PDCD11: variants seen among roughly 807,000 people sequenced by gnomAD.
PDCD11 encodes the protein programmed cell death 11, also known as protein RRP5 homolog.
Under a neutral mutation model 198.9 loss-of-function variants are expected in PDCD11, and 97 were observed. That is an observed-to-expected ratio of 0.49 (90% CI 0.41 to 0.58). The LOEUF is 0.58. Among genes scored for constraint, PDCD11 ranks in the 20% least tolerant of loss-of-function variants. PDCD11 has a pLI of 0.00. For synonymous variants in PDCD11, 893 were observed against 918.0 expected, an observed-to-expected ratio of 0.97 and a Z score of 0.49; for missense variants, 2,102 against 2,312.7, an observed-to-expected ratio of 0.91 and a Z score of 1.87.
Position 103,425,207 on chromosome 10 carries a change from G to A in PDCD11, c.2987G>A (p.Gly996Glu). 6.2e-7 allele frequency: 1 copy of A among 1,614,064 alleles called. No homozygotes were observed. Among genetic ancestry groups the A allele is most frequent in the Non-Finnish European group, 8.5e-7 (1 of 1,180,018 alleles). Residue 996 changes from glycine to glutamate, a missense_variant, in exon 20 of 36, where the codon GGG becomes GAG. Physicochemically the swap from Gly to Glu is moderately conservative, Grantham distance 98. Coordinates refer to ENST00000369797, the MANE Select transcript of PDCD11 (RefSeq NM_014976.2). ...ACTGGCCTTCTTTTGGCTGTGGAGG[G>A]GCCGGCTGCCAAGAGGACCATGAGG... ...GVTGLLLAVE[G>E]PAAKRTMRPT... is the part of the protein sequence containing the mutation.
rs185792442 is a variant in PDCD11, at chr10:103,419,366, C to A, written c.2107-172C>A. Among the ~76,000 whole-genome samples, 54 of 152,302 alleles carry A rather than the reference C, an allele frequency of 3.5e-4. 1 individual carries two copies. Among genetic ancestry groups the A allele is most frequent in the African/African-American group, 1.3e-3 (53 of 41,564 alleles). On this transcript the variant is annotated intron_variant, in intron 15 of 35. Coordinates refer to ENST00000369797, the MANE Select transcript of PDCD11 (RefSeq NM_014976.2). The stretch of plus-strand genomic sequence containing the variant: ...GGTCTAGGTGGTGCTTGAGAACTTG[C>A]ATTTCTCCTAAGTTTCAGGCGATGT...
intron 8 of PDCD11, among the ~76,000 whole-genome samples, chr10:103,410,542 G>T (rs1446592644): frequency 1.3e-5 from 2 of 150,866 alleles, no homozygotes; most frequent in East Asian, 3.9e-4. Context: ...TAAAATACTG[G>T]AATATTAGGC....
rs200216755 is a variant in PDCD11, at chr10:103,442,482, G to C, written c.4955+22G>C. On this transcript the variant is annotated intron_variant, in intron 32 of 35. Transcript: ENST00000369797. ...TCAGGTCTCAGCTTTGCCCCAGGGA[G>C]CACAGTGTCTTCGCACGTTCTGGGC... 2.6e-4 allele frequency: 417 copies of C among 1,607,172 alleles called. 6 individuals carry two copies. The Admixed American group carries it at 6.9e-3, about 26-fold the overall frequency.
At chr10:103,418,045 A>G in intron 14 of PDCD11, 113 bp downstream of exon 14, 1 of 1,238,256 alleles carries the variant, frequency 8.1e-7, no homozygotes, top group Non-Finnish European at 1.2e-6. Flanking sequence ...GTAGCTAGAT[A>G]AGATTTTGGG....
chr10:103,418,386 G>A, intron 14 of PDCD11, 54 bp from the exon 15 acceptor site: 2 of 1,437,840 alleles, frequency 1.4e-6, no homozygotes, highest in Non-Finnish European at 1.9e-6. Context: ...ATCCAGACCA[G>A]GTTGTTCTCT....
Position 103,416,477 on chromosome 10 carries a change from T to A in PDCD11, c.1519-14T>A. On this transcript the variant is annotated splice_polypyrimidine_tract_variant and intron_variant, in intron 12 of 35. Transcript: ENST00000369797. ...TAACAGATAACTTGATGACAGCCTG[T>A]GTCCCTCCCCTAGGTTTTGCTTTGT... 1 of 1,613,320 alleles carries A rather than the reference T, an allele frequency of 6.2e-7. No individual in the cohort carries two copies. Among genetic ancestry groups the A allele is most frequent in the Non-Finnish European group, 8.5e-7 (1 of 1,179,432 alleles).
intron 7 of PDCD11, among the ~76,000 whole-genome samples, chr10:103,409,326 C>CTTT (rs57480812): frequency 2.0e-5 from 3 of 147,598 alleles, no homozygotes; most frequent in Admixed American, 2.0e-4. Context: ...TTTTTTTAAC[C>CTTT]TTTTTTTTTT....
At position 103,418,607 on chromosome 10, in the gene PDCD11, G is replaced by T. The variant is rs1165830160; in HGVS notation, c.2079G>T (p.Leu693=). 6.2e-7 allele frequency: 1 copy of T among 1,614,190 alleles called. No homozygotes were observed. Among genetic ancestry groups the T allele is most frequent in the Non-Finnish European group, 8.5e-7 (1 of 1,180,016 alleles). Residue 693 remains leucine, a synonymous_variant, in exon 15 of 36, where the codon CTG becomes CTT. Coordinates refer to ENST00000369797, the MANE Select transcript of PDCD11 (RefSeq NM_014976.2). ...LQAGDILHRV[L]CLSQSEGRVL... is the part of the protein sequence containing the mutation. ...CAGGTGACATCCTTCACCGAGTCCT[G>T]TGTCTGAGCCAGAGCGAGGGGCGTG...
chr10:103,419,932 G>A (rs1214203488), intron 16 of PDCD11, among the ~76,000 whole-genome samples: 1 of 151,024 alleles, frequency 6.6e-6, no homozygotes, highest in East Asian at 1.9e-4. Context: ...TGGGATTACA[G>A]GTGCCCACCA....
In PDCD11 at chr10:103,424,022, G is replaced by T. The variant is rs971846087; in HGVS notation, c.2763+364G>T. On this transcript the variant is annotated intron_variant, in intron 19 of 35. Coordinates refer to ENST00000369797, the MANE Select transcript of PDCD11 (RefSeq NM_014976.2). ...CAGTCCCGCCCAATTGTTGCCGGGTGGGAATCTGGGGCTACTGCTGCTAAA... is the reference window on the plus strand; with the variant it reads ...CAGTCCCGCCCAATTGTTGCCGGGTTGGAATCTGGGGCTACTGCTGCTAAA... Among the ~76,000 whole-genome samples, 9 of 152,248 alleles carry T rather than the reference G, an allele frequency of 5.9e-5. No homozygotes were observed. The South Asian group carries it at 1.9e-3, about 32-fold the overall frequency.
chr10:103,434,705 GC>G, intron 24 of PDCD11, 92 bp from the exon 25 acceptor site: 1 of 1,052,674 alleles, frequency 9.5e-7, no homozygotes, highest in Non-Finnish European at 1.4e-6. Flanking sequence ...AGTCTGGGCA[GC>G]CTCCACCTTC....
At position 103,444,704 on chromosome 10, in the gene PDCD11, G is replaced by C. The variant is rs377199283; in HGVS notation, c.5444+22G>C. On this transcript the variant is annotated intron_variant, in intron 35 of 35. Transcript: ENST00000369797. ...TCCGGTGAGTGGGGCAGCTGGCCAAGGCCGAGTTCCTCAGGAGAGGGCGTG... is the reference window on the plus strand; with the variant it reads ...TCCGGTGAGTGGGGCAGCTGGCCAACGCCGAGTTCCTCAGGAGAGGGCGTG... 18 of 1,611,076 alleles carry C rather than the reference G, an allele frequency of 1.1e-5. No homozygotes were observed. The African/African-American group carries it at 1.3e-4, about 12-fold the overall frequency.
At position 103,441,709 on chromosome 10, in the gene PDCD11, G is replaced by A. The variant is rs1794054083; in HGVS notation, c.4558-117G>A. The A allele has an allele frequency of 3.4e-6, 3 of 887,396 alleles. No individual in the cohort carries two copies. The South Asian group carries it at 4.9e-5, about 14-fold the overall frequency. The allele number at this position is 887,396 out of a possible 1,614,324, so 55.0% of individuals were successfully genotyped here. ...TGGCATGGCCTAGGAGGAGAGGAGA[G>A]GAGAGGAGGGGTCTCTGGGCTTGGT... On this transcript the variant is annotated intron_variant, in intron 30 of 35. Transcript: ENST00000369797.
intron 21 of PDCD11, among the ~76,000 whole-genome samples, chr10:103,428,196 T>A (rs1179701176): frequency 4.0e-5 from 6 of 151,896 alleles, no homozygotes; most frequent in Admixed American, 3.9e-4. Flanking sequence ...TCCGAGCTAC[T>A]TGGAAGGCTG....
chr10:103,427,272 A>G, intron 20 of PDCD11, 57 bp from the exon 21 acceptor site: 4 of 1,489,208 alleles, frequency 2.7e-6, no homozygotes, highest in South Asian at 1.1e-5. Flanking sequence ...ATCCTGACCT[A>G]CAGATTACTG....
At chr10:103,402,921 A>G (rs1323537383) in intron 3 of PDCD11, among the ~76,000 whole-genome samples, 197 bp from the exon 4 acceptor site, 1 of 151,136 alleles carries the variant, frequency 6.6e-6, no homozygotes, top group East Asian at 2.0e-4. Flanking sequence ...TGGAGAAACT[A>G]CGTTGCCCAG....
chr10:103,425,430 T>C lies in PDCD11; in HGVS notation c.3210T>C (p.Asp1070=), dbSNP rs1399155657. Reference sequence around the variant, plus strand: ...GTATCCATGCCTCCCACATTCTAGATGATGTTCCAGAGGGCACCTCTCCTA... The same window carrying C: ...GTATCCATGCCTCCCACATTCTAGACGATGTTCCAGAGGGCACCTCTCCTA... ...IGCIHASHIL[D]DVPEGTSPTT... Residue 1070 remains aspartate, a synonymous_variant, in exon 20 of 36, where the codon GAT becomes GAC. Transcript: ENST00000369797. The C allele has an allele frequency of 6.2e-7, 1 of 1,614,036 alleles. No homozygotes were observed. Among genetic ancestry groups the C allele is most frequent in the South Asian group, 1.1e-5 (1 of 91,078 alleles).
intron 34 of PDCD11, 91 bp from the exon 35 acceptor site, chr10:103,444,426 G>A: frequency 8.0e-7 from 1 of 1,252,170 alleles, no homozygotes; most frequent in Non-Finnish European, 1.2e-6. Context: ...CCAAGAGCAG[G>A]GAGTCAGGTG....
chr10:103,422,855 C>T (rs2031514831), intron 17 of PDCD11, 133 bp from the exon 18 acceptor site: 3 of 803,214 alleles, frequency 3.7e-6, no homozygotes, highest in Non-Finnish European at 5.2e-6. Flanking sequence ...AACATTTTTG[C>T]AAAAAGTGAT....
Sources: allele counts gnomAD v4.1 joint callset (sites outside exome capture counted in the v4.1 genomes callset), GRCh38; gene constraint gnomAD v4.1.1; transcripts MANE v1.5; gene names NCBI Gene and HGNC (gene_info 2026-07-23, HGNC 2026-07-21).